RNF17: variants seen among roughly 807,000 people sequenced by gnomAD.
The protein encoded by RNF17 is ring finger protein 17.
RNF17 carries 31 observed loss-of-function variants against 200.5 expected under a neutral mutation model. The ratio of observed to expected loss-of-function variants is 0.15; its 90% CI spans 0.12 to 0.21. The LOEUF (loss-of-function observed/expected upper bound fraction) is 0.21. RNF17 is among the 10% of genes least tolerant of loss of function. The pLI is 1.00. For missense variants in RNF17, 1,628 were observed against 1,905.1 expected (o/e 0.85, Z 2.71); for synonymous variants, 606 against 637.8 (o/e 0.95, Z 0.75).
chr13:24,859,285 G>T, intron 26 of RNF17, 121 bp downstream of exon 26: 1 of 724,526 alleles, frequency 1.4e-6, no homozygotes, highest in Non-Finnish European at 2.0e-6. Context: ...TGTGTAGGAA[G>T]ATCAGTTATA....
At chr13:24,781,808 CA>C in intron 5 of RNF17, 35 bp from the exon 6 acceptor site, 2 of 1,449,088 alleles carry the variant, frequency 1.4e-6, no homozygotes, top group Non-Finnish European at 1.9e-6. Flanking sequence ...TAAAAATTCC[CA>C]AATTAAGTTT....
chr13:24,805,767 G>A (rs1885770438), intron 15 of RNF17, among the ~76,000 whole-genome samples: 1 of 152,052 alleles, frequency 6.6e-6, no homozygotes, highest in Admixed American at 6.6e-5. Flanking sequence ...AACTTTTTGG[G>A]GGAACTGCCG....
chr13:24,757,564 T>G, the RNF17 span, among the ~76,000 whole-genome samples: 49,230 of 152,038 alleles, frequency 0.32, 8,235 homozygotes, highest in South Asian at 0.5. Flanking sequence ...CCTCAGGCAA[T>G]CTGCCGGCCT....
At chr13:24,854,679 A>G (rs1308460942) in intron 25 of RNF17, among the ~76,000 whole-genome samples, 1 of 152,222 alleles carries the variant, frequency 6.6e-6, no homozygotes, top group East Asian at 1.9e-4. Flanking sequence ...CCTTTACTCA[A>G]AGTGGGAAAT....
chr13:24,813,851 A>C (rs1887067734), intron 15 of RNF17, among the ~76,000 whole-genome samples: 1 of 95,222 alleles, frequency 1.1e-5, no homozygotes, highest in Non-Finnish European at 1.9e-5. Flanking sequence ...TTTTAGAGAC[A>C]GGTTCTTGCT....
intron 30 of RNF17, among the ~76,000 whole-genome samples, 155 bp downstream of exon 30, chr13:24,866,358 T>C (rs9511482): frequency 0.24 from 35,146 of 144,130 alleles, 4,520 homozygotes; most frequent in Non-Finnish European, 0.3. Flanking sequence ...TTTAATATCG[T>C]TCACTGTTTT....
At chr13:24,756,076 T>A in the RNF17 span, among the ~76,000 whole-genome samples, 1 of 152,216 alleles carries the variant, frequency 6.6e-6, no homozygotes. Flanking sequence ...ATTACTGGCA[T>A]TAAATAAGTA....
chr13:24,764,885 T>TGGGGGG (rs200365898), intron 1 of RNF17, among the ~76,000 whole-genome samples: 1 of 99,598 alleles, frequency 1.0e-5, no homozygotes, highest in East Asian at 3.5e-4. Flanking sequence ...GTGCACCTTG[T>TGGGGGG]GGGGTGTGTG....
upstream of RNF17, among the ~76,000 whole-genome samples, chr13:24,762,369 TAAAAAAAAAAAAA>T (rs370600110): frequency 8.8e-6 from 1 of 113,898 alleles, no homozygotes; most frequent in Non-Finnish European, 1.7e-5. Flanking sequence ...ACTCCATTTC[TAAAAAAAAAAAAA>T]AAAAAAAAAA....
At chr13:24,846,900 T>C (rs936310114) in intron 22 of RNF17, among the ~76,000 whole-genome samples, 1 of 152,196 alleles carries the variant, frequency 6.6e-6, no homozygotes, top group African/African-American at 2.4e-5. Flanking sequence ...GGTATACATA[T>C]ATGTGTAGGC....
At position 24,789,407 on chromosome 13, in the gene RNF17, A is replaced by G. The variant is rs776543875; in HGVS notation, c.843A>G (p.Gln281=). The G allele has an allele frequency of 1.2e-5, 19 of 1,601,692 alleles. No individual in the cohort carries two copies. Among genetic ancestry groups the G allele is most frequent in the South Asian group, 2.2e-5 (2 of 89,872 alleles). ...AATTAGCACAAGTTAGTTCTCCACAACTAAGGAACCCTCCCAGGTAAGTAA... is the reference window on the plus strand; with the variant it reads ...AATTAGCACAAGTTAGTTCTCCACAGCTAAGGAACCCTCCCAGGTAAGTAA... ...DSELAQVSSP[Q]LRNPPRLSVN... Residue 281 remains glutamine (Q), a synonymous_variant, in exon 8 of 36, where the codon CAA becomes CAG. Transcript: ENST00000255324.
intron 23 of RNF17, among the ~76,000 whole-genome samples, chr13:24,850,874 A>G (rs560321237): frequency 6.6e-6 from 1 of 151,872 alleles, no homozygotes; most frequent in Non-Finnish European, 1.5e-5. Flanking sequence ...TCACTTCCCA[A>G]CTCCCCATTC....
At chr13:24,820,034 GT>G (rs1230853615) in intron 15 of RNF17, among the ~76,000 whole-genome samples, 1 of 150,958 alleles carries the variant, frequency 6.6e-6, no homozygotes, top group Non-Finnish European at 1.5e-5. Context: ...GACAGGTTGT[GT>G]TTTTCTTTAG....
At chr13:24,880,860 C>CCAGACTTTT (rs1953793764), downstream of RNF17, among the ~76,000 whole-genome samples, 1 of 152,034 alleles carries the variant, frequency 6.6e-6, no homozygotes, top group Non-Finnish European at 1.5e-5. Context: ...CACTTGGTGT[C>CCAGACTTTT]GCCAGACTTT....
At chr13:24,758,349 T>C in the RNF17 span, among the ~76,000 whole-genome samples, 7,896 of 152,308 alleles carry the variant, frequency 0.052, 683 homozygotes, top group African/African-American at 0.18. Flanking sequence ...TGCGTTATCA[T>C]GCTAAATATA....
At position 24,861,402 on chromosome 13, in the gene RNF17, AT is replaced by A; in HGVS notation, c.3894+18del. 1 of 1,433,038 alleles carries A rather than the reference AT, an allele frequency of 7.0e-7. No homozygotes were observed. Among genetic ancestry groups the A allele is most frequent in the South Asian group, 1.5e-5 (1 of 65,540 alleles). 88.8% of individuals were successfully genotyped at this position (1,433,038 alleles called of 1,614,324 possible). Reference sequence around the variant, plus strand: ...ATACCACACCTGTGAGTACATAATAATTTGTGGAATGATTAATTTTAAATAT... The same window carrying A: ...ATACCACACCTGTGAGTACATAATAATTGTGGAATGATTAATTTTAAATAT... On this transcript the variant is annotated intron_variant, in intron 27 of 35. Transcript: ENST00000255324.
rs761079178 is a variant in RNF17, at chr13:24,874,290, T to A, written c.4583+41T>A. 6 of 1,506,020 alleles carry A rather than the reference T, an allele frequency of 4.0e-6. No individual in the cohort carries two copies. The East Asian group carries it at 1.2e-4, about 30-fold the overall frequency. 93.3% of individuals were successfully genotyped at this position (1,506,020 alleles called of 1,614,324 possible). Reference sequence around the variant, plus strand: ...CGGGGTGTTGAATTAGATTTCTTTTTTTTTAAATAGTTTTCTTATTGAGAA... The same window carrying A: ...CGGGGTGTTGAATTAGATTTCTTTTATTTTAAATAGTTTTCTTATTGAGAA... On this transcript the variant is annotated intron_variant, in intron 33 of 35. Transcript: ENST00000255324.
chr13:24,751,179 A>C, the RNF17 span: 1 of 151,982 alleles, frequency 6.6e-6, no homozygotes, highest in Non-Finnish European at 1.5e-5. Flanking sequence ...CAGGCCTGTC[A>C]TACTCGTCTT....
In RNF17 at chr13:24,804,347, C is replaced by T; in HGVS notation, c.2009C>T (p.Pro670Leu). 2 of 1,610,884 alleles carry T rather than the reference C, an allele frequency of 1.2e-6. No individual in the cohort carries two copies. The highest frequency in any genetic ancestry group is 1.7e-6 in the Non-Finnish European group (2 of 1,177,138). Residue 670 changes from proline to leucine, a missense_variant, in exon 15 of 36, where the codon CCA becomes CTA. By Grantham distance (98) the Pro-to-Leu change is moderately conservative. Around this residue, in one of 5 missense-constraint regions of RNF17, gnomAD observed 289 missense variants for 384.9 expected, o/e 0.75. Transcript: ENST00000255324. ...FEKNTTLHYH[P>L]PILPKEMTDV... Reference sequence around the variant, plus strand: ...AAAAATACTACTTTACACTATCATCCACCTATTTTGCCTAAAGAAATGACA... The same window carrying T: ...AAAAATACTACTTTACACTATCATCTACCTATTTTGCCTAAAGAAATGACA...
Sources: allele counts gnomAD v4.1 joint callset (sites outside exome capture counted in the v4.1 genomes callset), GRCh38; gene constraint gnomAD v4.1.1; regional missense constraint gnomAD v4.1.1; transcripts MANE v1.5; gene names NCBI Gene and HGNC (gene_info 2026-07-23, HGNC 2026-07-21).